YEATS2: variants seen among roughly 807,000 people sequenced by gnomAD.
YEATS2 encodes YEATS domain containing 2, also known as YEATS domain-containing protein 2.
Under a neutral mutation model 163.2 loss-of-function variants are expected in YEATS2, and 77 were observed. The observed-to-expected ratio is 0.47, with a 90% confidence interval of 0.39 to 0.57. The LOEUF is 0.57. Ranked by LOEUF, YEATS2 falls within the 20% of genes least tolerant of loss-of-function variation. YEATS2 has a pLI of 0.00. For missense variants in YEATS2, 1,549 were observed against 1,729.8 expected, an observed-to-expected ratio of 0.90 and a Z score of 1.85; for synonymous variants, 631 against 645.1, an observed-to-expected ratio of 0.98 and a Z score of 0.33.
intron 8 of YEATS2, among the ~76,000 whole-genome samples, chr3:183,741,705 C>T (rs985957577): frequency 6.6e-6 from 1 of 151,766 alleles, no homozygotes; most frequent in African/African-American, 2.4e-5. Context: ...TCACTTGAAC[C>T]CAGGAGGCGA....
chr3:183,718,688 T>G (rs1169723270), intron 4 of YEATS2, 96 bp downstream of exon 4: 1 of 1,036,050 alleles, frequency 9.7e-7, no homozygotes, highest in East Asian at 2.8e-5. Flanking sequence ...CTGAAACATT[T>G]CTTTCTGTTT....
intron 7 of YEATS2, among the ~76,000 whole-genome samples, chr3:183,732,591 G>A (rs907988706): frequency 5.3e-5 from 8 of 150,636 alleles, no homozygotes; most frequent in Non-Finnish European, 1.0e-4. Context: ...ACAGAGTCTC[G>A]CTCTGCTGCC....
At chr3:183,787,724 G>A (rs932504694) in intron 20 of YEATS2, among the ~76,000 whole-genome samples, 5 of 151,920 alleles carry the variant, frequency 3.3e-5, no homozygotes, top group Non-Finnish European at 7.4e-5. Context: ...TAGGCTGGGC[G>A]CAGTGGCTCA....
intron 15 of YEATS2, among the ~76,000 whole-genome samples, chr3:183,768,241 C>A (rs1053011449): frequency 6.6e-6 from 1 of 152,198 alleles, no homozygotes; most frequent in African/African-American, 2.4e-5. Context: ...GAAAACACTT[C>A]ATCTCATACC....
In YEATS2 at chr3:183,798,953, G is replaced by A. The variant is rs191476594; in HGVS notation, c.3289G>A (p.Val1097Ile). 1 of 1,614,140 alleles carries A rather than the reference G, an allele frequency of 6.2e-7. No homozygotes were observed. The highest frequency in any genetic ancestry group is 2.2e-5 in the East Asian group (1 of 44,882). The change falls in exon 23 of 31, where the codon GTT (valine) becomes ATT (isoleucine). Residue 1097 changes from valine (V) to isoleucine (I), a missense_variant. Transcript: ENST00000305135. ...TCTGCCTGTAGCTGCCCCAACTCCA[G>A]TTGTCCCCAGCTCTGCTCCAGCAGC... ...AILPVAAPTP[V>I]VPSSAPAAVA...
rs749396994 is a variant in YEATS2, at chr3:183,747,711, G to C, written c.964G>C (p.Glu322Gln). The C allele has an allele frequency of 6.2e-7, 1 of 1,612,806 alleles. No individual in the cohort carries two copies. Residue 322 changes from glutamate (E) to glutamine (Q), a missense_variant, in exon 9 of 31, where the codon GAG becomes CAG. Physicochemically the swap from Glu to Gln is conservative, Grantham distance 29 (BLOSUM62 2). Coordinates refer to ENST00000305135, the MANE Select transcript of YEATS2 (RefSeq NM_018023.5). ...TACTGGCTTGCAGACTCTTGGAGCA[G>C]AGACGGTAGGTTTTTTTCCTACAGT... ...TYTGLQTLGA[E>Q]TVVDVELHRH...
intron 8 of YEATS2, among the ~76,000 whole-genome samples, chr3:183,740,577 G>A (rs981438456): frequency 3.9e-5 from 6 of 152,218 alleles, no homozygotes; most frequent in Admixed American, 3.9e-4. Context: ...GCTATTCTAG[G>A]GCAAGGCCCT....
chr3:183,794,635 G>T (rs984483565), intron 21 of YEATS2, among the ~76,000 whole-genome samples: 1 of 152,188 alleles, frequency 6.6e-6, no homozygotes, highest in Non-Finnish European at 1.5e-5. Flanking sequence ...CCGGCTGAGG[G>T]CTGTGGCTTG....
intron 7 of YEATS2, among the ~76,000 whole-genome samples, chr3:183,732,305 T>C (rs1717874522): frequency 6.6e-6 from 1 of 151,500 alleles, no homozygotes; most frequent in South Asian, 2.1e-4. Context: ...AAAAAAAAAT[T>C]AGCCATGCCC....
chr3:183,720,041 T>C (rs1412653878), intron 4 of YEATS2, among the ~76,000 whole-genome samples: 1 of 152,164 alleles, frequency 6.6e-6, no homozygotes. Context: ...TTGGTTATTA[T>C]ATATATTATA....
rs573681635 is a variant in YEATS2, at chr3:183,748,456, T to C, written c.969+740T>C. Among the ~76,000 whole-genome samples, 14 of 152,162 alleles carry C rather than the reference T, an allele frequency of 9.2e-5. No homozygotes were observed. In the South Asian group the frequency reaches 2.7e-3, roughly 29 times the overall value. Reference sequence around the variant, plus strand: ...TAGTAGAGACGGGGTTTCACTATGTTGGTCAGGCTGCTCTCGAACTGCTGA... The same window carrying C: ...TAGTAGAGACGGGGTTTCACTATGTCGGTCAGGCTGCTCTCGAACTGCTGA... On this transcript the variant is annotated intron_variant, in intron 9 of 30. Coordinates refer to ENST00000305135, the MANE Select transcript of YEATS2 (RefSeq NM_018023.5).
intron 1 of YEATS2, among the ~76,000 whole-genome samples, chr3:183,712,062 C>A (rs1301624644): frequency 3.3e-5 from 5 of 151,712 alleles, no homozygotes; most frequent in African/African-American, 1.2e-4. Context: ...TCATGATCCG[C>A]CTACCTTGCC....
intron 19 of YEATS2, among the ~76,000 whole-genome samples, chr3:183,782,021 C>G (rs1209268191): frequency 6.6e-6 from 1 of 152,014 alleles, no homozygotes; most frequent in Non-Finnish European, 1.5e-5. Flanking sequence ...TCTTTTATGT[C>G]TGGCTTCTGT....
chr3:183,771,369 G>A lies in YEATS2; in HGVS notation c.1948-936G>A, dbSNP rs1722437964. Among the ~76,000 whole-genome samples, 3 of 152,022 alleles carry A rather than the reference G, an allele frequency of 2.0e-5. No individual in the cohort carries two copies. The South Asian group carries it at 6.2e-4, about 31-fold the overall frequency. On this transcript the variant is annotated intron_variant, in intron 15 of 30. Transcript: ENST00000305135. ...GCTGGGAGTGGGAAACACTGCTCCA[G>A]TTTGCCATTCATTCAGTGTTTAATT...
intron 19 of YEATS2, 85 bp from the exon 20 acceptor site, chr3:183,786,040 G>T: frequency 6.9e-7 from 1 of 1,453,368 alleles, no homozygotes. Context: ...CCAAGTCATG[G>T]GGCGTATCTC....
At chr3:183,714,981 T>C (rs1715683995) in intron 1 of YEATS2, among the ~76,000 whole-genome samples, 163 bp from the exon 2 acceptor site, 1 of 152,104 alleles carries the variant, frequency 6.6e-6, no homozygotes, top group South Asian at 2.1e-4. Context: ...TATATGTGTG[T>C]ATATACACAT....
At chr3:183,798,825 G>A (rs1725400260) in intron 22 of YEATS2, 66 bp from the exon 23 acceptor site, 1 of 1,273,312 alleles carries the variant, frequency 7.9e-7, no homozygotes, top group African/African-American at 1.5e-5. Context: ...TCACCTGGAA[G>A]TAGATCACCC....
rs1046041399 is a variant in YEATS2, at chr3:183,740,290, G to A, written c.924+3461G>A. 1.1e-4 allele frequency among the ~76,000 whole-genome samples: 17 copies of A among 151,932 alleles called. No individual in the cohort carries two copies. The South Asian group carries it at 1.3e-3, about 11-fold the overall frequency. ...CAAACAACCCCATCAAAAAGTGGGC[G>A]AAGGACATGAACAGACACTTCTCAA... On this transcript the variant is annotated intron_variant, in intron 8 of 30. Coordinates refer to ENST00000305135, the MANE Select transcript of YEATS2 (RefSeq NM_018023.5).
intron 3 of YEATS2, 99 bp downstream of exon 3, chr3:183,717,847 A>T (rs1577049787): frequency 1.8e-6 from 1 of 553,472 alleles, no homozygotes. Flanking sequence ...AGTTTGCTTT[A>T]TCCTCCTCTT....
Sources: allele counts gnomAD v4.1 joint callset (sites outside exome capture counted in the v4.1 genomes callset), GRCh38; gene constraint gnomAD v4.1.1; transcripts MANE v1.5; gene names NCBI Gene and HGNC (gene_info 2026-07-23, HGNC 2026-07-21).